CDK5RAP2: variants seen among roughly 807,000 people sequenced by gnomAD.
CDK5RAP2 encodes CDK5 regulatory subunit associated protein 2.
Under a neutral mutation model 232.9 loss-of-function variants are expected in CDK5RAP2, and 147 were observed. The ratio of observed to expected loss-of-function variants is 0.63; its 90% confidence interval spans 0.55 to 0.72. The LOEUF (loss-of-function observed/expected upper bound fraction) is 0.72. Ranked by LOEUF, CDK5RAP2 falls within the 30% of genes least tolerant of loss-of-function variation. The pLI, the probability that CDK5RAP2 is intolerant of heterozygous loss-of-function variation, is 0.00. For missense variants in CDK5RAP2, 2,195 were observed against 2,231.5 expected (o/e 0.98, Z 0.33); for synonymous variants, 833 against 833.7 (o/e 1.00, Z 0.01).
In CDK5RAP2 at chr9:120,526,615, C is replaced by T. The variant is rs1001186219; in HGVS notation, c.999+1191G>A. Among the ~76,000 whole-genome samples the T allele has an allele frequency of 2.6e-5, 4 of 152,154 alleles. No homozygotes were observed. The South Asian group carries it at 8.3e-4, about 32-fold the overall frequency. On this transcript the variant is annotated intron_variant, in intron 10 of 37. Coordinates refer to ENST00000349780, the MANE Select transcript of CDK5RAP2 (RefSeq NM_018249.6). Reference sequence around the variant, plus strand: ...CCCAGCCTCCATTCTCTCCCTCCTGCAATTCACTCTCCAGATAGAGCCAGA... The same window carrying T: ...CCCAGCCTCCATTCTCTCCCTCCTGTAATTCACTCTCCAGATAGAGCCAGA...
chr9:120,491,514 C>T, intron 12 of CDK5RAP2, 37 bp from the exon 13 acceptor site: 2 of 1,469,464 alleles, frequency 1.4e-6, no homozygotes, highest in Non-Finnish European at 1.9e-6. Flanking sequence ...ATTTACTTGA[C>T]AAAAATTTCA....
chr9:120,405,493 T>C (rs990585740), intron 32 of CDK5RAP2, among the ~76,000 whole-genome samples: 54 of 152,234 alleles, frequency 3.5e-4, no homozygotes, highest in African/African-American at 1.3e-3. Flanking sequence ...TCTCCCTGCT[T>C]CAAACTCCCC....
At chr9:120,430,199 G>A (rs1270396399) in intron 25 of CDK5RAP2, among the ~76,000 whole-genome samples, 2 of 152,126 alleles carry the variant, frequency 1.3e-5, no homozygotes, top group African/African-American at 4.8e-5. Flanking sequence ...ACATAGGCAT[G>A]GGCAAGGACT....
At chr9:120,442,692 T>TA (rs1334221800) in intron 23 of CDK5RAP2, among the ~76,000 whole-genome samples, 1 of 152,254 alleles carries the variant, frequency 6.6e-6, no homozygotes, top group Non-Finnish European at 1.5e-5. Flanking sequence ...ACTATAGTTC[T>TA]ACAACTTTCC....
chr9:120,419,270 G>A (rs1336284198), intron 27 of CDK5RAP2, among the ~76,000 whole-genome samples: 4 of 152,132 alleles, frequency 2.6e-5, no homozygotes, highest in African/African-American at 9.7e-5. Context: ...ATTCTATGGC[G>A]TTCTGTTACA....
intron 12 of CDK5RAP2, chr9:120,517,893 C>CAA: frequency 3.0e-6 from 1 of 327,934 alleles, no homozygotes; most frequent in Non-Finnish European, 6.1e-6. Flanking sequence ...GACCCTGTCT[C>CAA]AAAAAAAACA....
At position 120,580,055 on chromosome 9, in the gene CDK5RAP2, G is replaced by C; in HGVS notation, c.-77C>G. On this transcript the variant is annotated 5_prime_UTR_variant, in exon 1 of 38. Transcript: ENST00000349780. Reference sequence around the variant, plus strand: ...ACCCCCCGCGATAGCGACCCGCCGGGCTCCCCAGGTCCCCGCCCCCTCCAC... The same window carrying C: ...ACCCCCCGCGATAGCGACCCGCCGGCCTCCCCAGGTCCCCGCCCCCTCCAC... 1 of 913,790 alleles carries C rather than the reference G, an allele frequency of 1.1e-6. No homozygotes were observed. The highest frequency in any genetic ancestry group is 1.4e-5 in the South Asian group (1 of 72,072). 56.6% of individuals were successfully genotyped at this position (913,790 alleles called of 1,614,324 possible).
chr9:120,568,602 G>A (rs1183491318), intron 2 of CDK5RAP2, among the ~76,000 whole-genome samples: 1 of 152,164 alleles, frequency 6.6e-6, no homozygotes, highest in Non-Finnish European at 1.5e-5. Flanking sequence ...AAGTAACAAT[G>A]TGCACATCAG....
chr9:120,460,116 A>G (rs2037002633), intron 19 of CDK5RAP2, among the ~76,000 whole-genome samples: 2 of 152,174 alleles, frequency 1.3e-5, no homozygotes, highest in African/African-American at 4.8e-5. Flanking sequence ...AGGGGAGCTA[A>G]GTTCCATCAG....
At chr9:120,510,228 A>ATG (rs2040015602) in intron 12 of CDK5RAP2, among the ~76,000 whole-genome samples, 1 of 152,188 alleles carries the variant, frequency 6.6e-6, no homozygotes, top group African/African-American at 2.4e-5. Flanking sequence ...GTCAAAGCAC[A>ATG]TGGGATTAGC....
rs1361509393 is a variant in CDK5RAP2, at chr9:120,443,638, G to T, written c.3130C>A (p.Gln1044Lys). 1.9e-6 allele frequency: 3 copies of T among 1,614,000 alleles called. No individual in the cohort carries two copies. The Admixed American group carries it at 5.0e-5, about 27-fold the overall frequency. Reference sequence around the variant, plus strand: ...TTCTGACCAATCTCGTAGCTTCTTTGCTGATCACTGTCCATTTCCTTGTCT... The same window carrying T: ...TTCTGACCAATCTCGTAGCTTCTTTTCTGATCACTGTCCATTTCCTTGTCT... Reference protein sequence around the residue: ...WRDKEMDSDQQRSYEIDSEIC... With the variant: ...WRDKEMDSDQKRSYEIDSEIC... Residue 1044 changes from glutamine (Q) to lysine (K), a missense_variant, in exon 23 of 38, where the codon CAA (glutamine) becomes AAA (lysine). Coordinates refer to ENST00000349780, the MANE Select transcript of CDK5RAP2 (RefSeq NM_018249.6).
At chr9:120,479,819 C>A (rs147323919) in intron 14 of CDK5RAP2, among the ~76,000 whole-genome samples, 1 of 152,248 alleles carries the variant, frequency 6.6e-6, no homozygotes, top group Non-Finnish European at 1.5e-5. Flanking sequence ...ATTGAGACAA[C>A]TGATGAAATT....
At chr9:120,494,849 T>TG (rs1269433949) in intron 12 of CDK5RAP2, among the ~76,000 whole-genome samples, 2 of 106,816 alleles carry the variant, frequency 1.9e-5, no homozygotes, top group Non-Finnish European at 1.8e-5. Context: ...CCGCGGCTGG[T>TG]GGTTGGCGCG....
chr9:120,573,511 T>G (rs1410176459), intron 1 of CDK5RAP2, among the ~76,000 whole-genome samples: 6 of 149,402 alleles, frequency 4.0e-5, no homozygotes, highest in Non-Finnish European at 1.5e-5. Context: ...ATCATGCCAC[T>G]GCACTCAAGC....
At chr9:120,404,340 G>A (rs1027638629) in intron 32 of CDK5RAP2, among the ~76,000 whole-genome samples, 1 of 152,244 alleles carries the variant, frequency 6.6e-6, no homozygotes, top group Admixed American at 6.5e-5. Context: ...CAGCAGAAAA[G>A]TAAATAAGCA....
At chr9:120,431,242 C>T (rs1229950742) in intron 25 of CDK5RAP2, among the ~76,000 whole-genome samples, 2 of 152,024 alleles carry the variant, frequency 1.3e-5, no homozygotes, top group Admixed American at 6.6e-5. Context: ...CGCACATGTA[C>T]CCTAAAACTT....
chr9:120,485,504 A>G (rs1249488432), intron 14 of CDK5RAP2, among the ~76,000 whole-genome samples: 1 of 152,128 alleles, frequency 6.6e-6, no homozygotes, highest in Non-Finnish European at 1.5e-5. Flanking sequence ...CATATTGGCC[A>G]GGGTGGTCTC....
intron 11 of CDK5RAP2, 39 bp downstream of exon 11, chr9:120,524,947 G>T (rs750835523): frequency 1.4e-6 from 2 of 1,453,658 alleles, no homozygotes; most frequent in South Asian, 1.1e-5. Flanking sequence ...CAGGGGTCAG[G>T]ATCAAAGAGA....
In CDK5RAP2 at chr9:120,564,504, AT is replaced by A. The variant is rs200830480; in HGVS notation, c.195+3816del. On this transcript the variant is annotated intron_variant, in intron 3 of 37. Coordinates refer to ENST00000349780, the MANE Select transcript of CDK5RAP2 (RefSeq NM_018249.6). ...GACTCTGTCTCAAAAAAATAAAAAA[AT>A]AAAAAATCATACAACTATAAAAAGA... 6.4e-4 allele frequency among the ~76,000 whole-genome samples: 97 copies of A among 151,274 alleles called. 18 individuals carry two copies. The highest frequency in any genetic ancestry group is 3.4e-3 in the Middle Eastern group (1 of 290).
Sources: allele counts gnomAD v4.1 joint callset (sites outside exome capture counted in the v4.1 genomes callset), GRCh38; gene constraint gnomAD v4.1.1; transcripts MANE v1.5; gene names NCBI Gene and HGNC (gene_info 2026-07-23, HGNC 2026-07-21).